AGBL1: variants seen among roughly 807,000 people sequenced by gnomAD.
AGBL1 encodes cytosolic carboxypeptidase 4.
Under a neutral mutation model 118.9 loss-of-function variants are expected in AGBL1, and 130 were observed. That is an observed-to-expected ratio of 1.09 (90% confidence interval 0.95 to 1.26). AGBL1 has a LOEUF of 1.26. Ranked by LOEUF, AGBL1 falls within the 50% of genes most tolerant of loss-of-function variation. The pLI is 0.00. For missense variants in AGBL1, 1,584 were observed against 1,298.1 expected (o/e 1.22, Z -3.38); for synonymous variants, 555 against 478.9 (o/e 1.16, Z -2.08).
intron 1 of AGBL1, among the ~76,000 whole-genome samples, chr15:86,128,930 C>T (rs148385992): frequency 2.6e-5 from 4 of 152,318 alleles, no homozygotes; most frequent in South Asian, 2.1e-4. Flanking sequence ...CCTGAAGTGG[C>T]TACCTAATAA....
At chr15:86,623,857 G>C (rs2084847427) in intron 21 of AGBL1, among the ~76,000 whole-genome samples, 1 of 152,184 alleles carries the variant, frequency 6.6e-6, no homozygotes, top group South Asian at 2.1e-4. Flanking sequence ...CTATTCACCT[G>C]AAATTAAATT....
intron 1 of AGBL1, chr15:86,083,651 C>T (rs1041564019): frequency 6.6e-6 from 1 of 152,170 alleles, no homozygotes; most frequent in Non-Finnish European, 1.5e-5. Flanking sequence ...GTGACCAGTC[C>T]ACTTCTCCCC....
At chr15:86,519,418 G>T (rs1285984836) in intron 18 of AGBL1, among the ~76,000 whole-genome samples, 1 of 152,166 alleles carries the variant, frequency 6.6e-6, no homozygotes, top group Non-Finnish European at 1.5e-5. Flanking sequence ...TGCTACAGTA[G>T]ATAATAAGAT....
intron 18 of AGBL1, among the ~76,000 whole-genome samples, chr15:86,424,963 A>G (rs1326437801): frequency 6.6e-6 from 1 of 152,192 alleles, no homozygotes; most frequent in Non-Finnish European, 1.5e-5. Context: ...TAGTTCAACC[A>G]TTGTGGAAGA....
At chr15:86,699,380 T>C (rs2086317555) in intron 22 of AGBL1, among the ~76,000 whole-genome samples, 1 of 152,076 alleles carries the variant, frequency 6.6e-6, no homozygotes, top group South Asian at 2.1e-4. Context: ...GTAAAAACAA[T>C]GTACAAATCT....
rs998775961 is a variant in AGBL1, at chr15:86,270,056, A to G, written c.1976A>G (p.Gln659Arg). The G allele has an allele frequency of 1.2e-6, 2 of 1,611,932 alleles. No homozygotes were observed. The highest frequency in any genetic ancestry group is 1.7e-6 in the Non-Finnish European group (2 of 1,179,086). Residue 659 changes from glutamine to arginine, a missense_variant, in exon 14 of 23, where the codon CAG (glutamine) becomes CGG (arginine). Coordinates refer to ENST00000614907, the MANE Select transcript of AGBL1 (RefSeq NM_001386094.1). ...NIINCEKPNS[Q>R]FNYGMQPTLY... ...ATCAACTGTGAGAAGCCCAACAGCC[A>G]GTTTAATTATGGTATGAACGCTTGG...
chr15:86,860,713 AGT>A (rs3030214), intron 22 of AGBL1, among the ~76,000 whole-genome samples: 73,565 of 148,548 alleles, frequency 0.5, 18,222 homozygotes, highest in Admixed American at 0.57. Context: ...TCTGTGAGTA[AGT>A]GTGTGTGTGT....
At chr15:86,723,744 A>C (rs924217646) in intron 22 of AGBL1, among the ~76,000 whole-genome samples, 3 of 152,210 alleles carry the variant, frequency 2.0e-5, no homozygotes, top group Admixed American at 6.5e-5. Flanking sequence ...AAAAGAATTA[A>C]AATGTAAATG....
intron 24 of AGBL1, among the ~76,000 whole-genome samples, chr15:86,989,709 G>A (rs2081319797): frequency 6.6e-6 from 1 of 152,110 alleles, no homozygotes; most frequent in Admixed American, 6.5e-5. Context: ...ACAATGTTTT[G>A]AATAAAAATG....
intron 6 of AGBL1, among the ~76,000 whole-genome samples, chr15:86,245,594 T>G (rs557634989): frequency 6.6e-6 from 1 of 152,322 alleles, no homozygotes; most frequent in East Asian, 1.9e-4. Flanking sequence ...GTATATTAAC[T>G]GTTGAGAGAG....
chr15:86,552,511 T>C (rs1399591698), intron 20 of AGBL1, among the ~76,000 whole-genome samples: 1 of 152,172 alleles, frequency 6.6e-6, no homozygotes, highest in Non-Finnish European at 1.5e-5. Context: ...TTTATGTCTA[T>C]TTGACCAGCC....
Position 86,615,951 on chromosome 15 carries a change from G to C in AGBL1, c.2995-58322G>C, listed in dbSNP as rs924049760. 6.6e-6 allele frequency among the ~76,000 whole-genome samples: 1 copy of C among 152,094 alleles called. No individual in the cohort carries two copies. Among genetic ancestry groups the C allele is most frequent in the Non-Finnish European group, 1.5e-5 (1 of 68,010 alleles). On this transcript the variant is annotated intron_variant, in intron 21 of 22. Coordinates refer to ENST00000614907, the MANE Select transcript of AGBL1 (RefSeq NM_001386094.1). This position sits in a 1 kb window ranked among gnomAD's most constrained non-coding sequence, Gnocchi z 4.3. Reference sequence around the variant, plus strand: ...GGAAATAAAAAAAAAATACTCCCACGGAAGTGGAAGGTAAACCACAGAAGA... The same window carrying C: ...GGAAATAAAAAAAAAATACTCCCACCGAAGTGGAAGGTAAACCACAGAAGA...
rs1897043855 is a variant in AGBL1 at position 86,106,225 on chromosome 15, CT to C, written c.51+26205del. On this transcript the variant is annotated intron_variant, in intron 1 of 22. Coordinates refer to ENST00000614907, the MANE Select transcript of AGBL1 (RefSeq NM_001386094.1). ...GGTGCTTACATTATATGTGCTTGGT[CT>C]TTGTAAGATGTGATCCCTAGAATTC... Among the ~76,000 whole-genome samples the C allele has an allele frequency of 9.9e-5, 15 of 152,282 alleles. No individual in the cohort carries two copies. The South Asian group carries it at 3.1e-3, about 32-fold the overall frequency.
chr15:86,438,692 C>T (rs554747794), intron 18 of AGBL1, among the ~76,000 whole-genome samples: 84 of 140,260 alleles, frequency 6.0e-4, no homozygotes, highest in Non-Finnish European at 2.4e-4. Context: ...GGTGGAGTCT[C>T]GCTCTGTCAC....
At chr15:86,973,944 A>T (rs2081138348) in intron 23 of AGBL1, among the ~76,000 whole-genome samples, 1 of 143,602 alleles carries the variant, frequency 7.0e-6, no homozygotes, top group Non-Finnish European at 1.5e-5. Context: ...AAACATATTT[A>T]ATATATTAAA....
At chr15:86,888,929 A>G (rs892956676) in intron 22 of AGBL1, among the ~76,000 whole-genome samples, 2 of 152,158 alleles carry the variant, frequency 1.3e-5, no homozygotes, top group Non-Finnish European at 2.9e-5. Flanking sequence ...AGATGGCGTT[A>G]ATTTCTGGGA....
intron 22 of AGBL1, among the ~76,000 whole-genome samples, chr15:86,835,403 C>A (rs969566695): frequency 2.0e-5 from 3 of 152,066 alleles, no homozygotes; most frequent in African/African-American, 7.2e-5. Context: ...GAGTCCTGAA[C>A]TATAAATGAT....
rs968564498 is a variant in AGBL1 at position 86,397,454 on chromosome 15, G to C, written c.2463G>C (p.Leu821=). 1 of 1,613,050 alleles carries C rather than the reference G, an allele frequency of 6.2e-7. No homozygotes were observed. The highest frequency in any genetic ancestry group is 8.5e-7 in the Non-Finnish European group (1 of 1,179,402). ...TGATGAAGGGTACCTTGGAGTTCCT[G>C]GTCAGCAGTGACCCTGTGGCTAGGC... ...SWVMKGTLEF[L]VSSDPVARLL... Residue 821 remains leucine, a synonymous_variant, in exon 18 of 23, where the codon CTG becomes CTC. Coordinates refer to ENST00000614907, the MANE Select transcript of AGBL1 (RefSeq NM_001386094.1).
chr15:86,929,075 G>A (rs1205557409), intron 23 of AGBL1, among the ~76,000 whole-genome samples: 2 of 152,050 alleles, frequency 1.3e-5, no homozygotes, highest in African/African-American at 4.8e-5. Context: ...AGGCTGGAGT[G>A]CAGTGTTTAT....
Sources: gnomAD v4.1 joint callset for allele counts (sites outside exome capture counted in the v4.1 genomes callset) on GRCh38, gnomAD v4.1.1 for gene constraint, Gnocchi (gnomAD v3.1) non-coding constraint, MANE v1.5 for transcripts, NCBI Gene and HGNC (gene_info 2026-07-23, HGNC 2026-07-21) for gene names.